SYNPO: variants seen among roughly 807,000 people sequenced by gnomAD.
SYNPO encodes synaptopodin.
A neutral mutation model predicts 49.5 loss-of-function variants in SYNPO; 19 were observed. The observed-to-expected ratio is 0.38, with a 90% CI of 0.27 to 0.56. The LOEUF is 0.56. Ranked by LOEUF, SYNPO falls within the 20% of genes least tolerant of loss-of-function variation. The probability of loss-of-function intolerance (pLI) is 0.68; values close to 1 mark genes in which losing one functional copy is unlikely to be tolerated. For synonymous variants in SYNPO, 536 were observed against 548.0 expected (o/e 0.98, Z 0.31); for missense variants, 1,131 against 1,248.3 (o/e 0.91, Z 1.42).
At chr5:150,641,416 C>T (rs1757901710) in intron 1 of SYNPO, among the ~76,000 whole-genome samples, 1 of 152,234 alleles carries the variant, frequency 6.6e-6, no homozygotes. Flanking sequence ...TCTATTCCTA[C>T]CCCTGGCTCT....
chr5:150,651,174 G>C, intron 2 of SYNPO: 1 of 1,025,254 alleles, frequency 9.8e-7, no homozygotes, highest in Non-Finnish European at 1.2e-6. Flanking sequence ...AGGGAGGGTG[G>C]CCCCTAGCCA....
rs376731190 is a variant in SYNPO, at chr5:150,657,415, T to TTCTC, written c.*343_*346dup. On this transcript the variant is annotated 3_prime_UTR_variant, in exon 3 of 3. Transcript: ENST00000307662. Reference sequence around the variant, plus strand: ...ACACCGATGCACACACACTCTCTCTTTCTCTCTCTCTCTCTCTCACACACA... The same window carrying TTCTC: ...ACACCGATGCACACACACTCTCTCTTTCTCTCTCTCTCTCTCTCTCTCACACACA... 8.2e-3 allele frequency: 1,569 copies of TTCTC among 192,074 alleles called. 14 individuals carry two copies. Among genetic ancestry groups the TTCTC allele is most frequent in the African/African-American group, 0.026 (946 of 35,896 alleles). The allele number at this position is 192,074 out of a possible 1,614,324, so 11.9% of individuals were successfully genotyped here. A position where few individuals can be genotyped will look rare whatever the true frequency, so the allele number is the denominator to read the frequency against.
In SYNPO at chr5:150,607,455, T is replaced by G. The variant is rs966069749; in HGVS notation, c.-266+6267T>G. ...AAGTGACACGGAGCTCAGTACCTATTGAGGCACGTAATAACCCAAGGAATC... is the reference window on the plus strand; with the variant it reads ...AAGTGACACGGAGCTCAGTACCTATGGAGGCACGTAATAACCCAAGGAATC... On this transcript the variant is annotated intron_variant, in intron 1 of 2. Transcript: ENST00000394243. Among the ~76,000 whole-genome samples, 52 of 152,238 alleles carry G rather than the reference T, an allele frequency of 3.4e-4. 1 individual carries two copies. Among genetic ancestry groups the G allele is most frequent in the Non-Finnish European group, 1.3e-4 (9 of 68,038 alleles).
At chr5:150,597,956 A>C (rs765578826), upstream of SYNPO, among the ~76,000 whole-genome samples, 3 of 152,154 alleles carry the variant, frequency 2.0e-5, no homozygotes, top group Non-Finnish European at 4.4e-5. Context: ...ATTTGGCATG[A>C]ATATAATGAC....
chr5:150,607,920 T>A (rs1253916610), intron 1 of SYNPO, among the ~76,000 whole-genome samples: 1 of 152,258 alleles, frequency 6.6e-6, no homozygotes, highest in Non-Finnish European at 1.5e-5. Context: ...CTTTTTTTGG[T>A]ACTAAGTCTT....
At chr5:150,626,233 T>A (rs1757352752) in intron 2 of SYNPO, among the ~76,000 whole-genome samples, 1 of 152,154 alleles carries the variant, frequency 6.6e-6, no homozygotes, top group Non-Finnish European at 1.5e-5. Flanking sequence ...CTTGCCATAT[T>A]GTCTCAGGCA....
chr5:150,647,123 GTCCCAGCTAC>G (rs2151419763), intron 1 of SYNPO, among the ~76,000 whole-genome samples: 1 of 152,148 alleles, frequency 6.6e-6, no homozygotes, highest in East Asian at 1.9e-4. Flanking sequence ...CATGCCTGTA[GTCCCAGCTAC>G]TCGGGAGGCT....
chr5:150,653,306 T>G (rs1248906583), intron 2 of SYNPO: 3 of 152,250 alleles, frequency 2.0e-5, no homozygotes, highest in Non-Finnish European at 2.9e-5. Flanking sequence ...GGGATCTGCT[T>G]ACCACTGCCC....
At chr5:150,608,033 G>T (rs557459311) in intron 1 of SYNPO, among the ~76,000 whole-genome samples, 21 of 152,340 alleles carry the variant, frequency 1.4e-4, no homozygotes, top group Non-Finnish European at 2.8e-4. Context: ...CATGTTGGAC[G>T]GCACAGTGCT....
chr5:150,595,865 G>A, the SYNPO span, among the ~76,000 whole-genome samples: 1 of 146,014 alleles, frequency 6.8e-6, no homozygotes, highest in Non-Finnish European at 1.5e-5. Context: ...CCCCCAGCTG[G>A]CTGGCCCCTT....
At chr5:150,627,683 C>T (rs1268827111) in intron 2 of SYNPO, among the ~76,000 whole-genome samples, 3 of 152,202 alleles carry the variant, frequency 2.0e-5, no homozygotes, top group Non-Finnish European at 4.4e-5. Context: ...AAAGTCCTCT[C>T]TCAGAGGTGA....
At chr5:150,653,212 C>G (rs138497396) in intron 2 of SYNPO, 2 of 152,322 alleles carry the variant, frequency 1.3e-5, no homozygotes, top group African/African-American at 4.8e-5. Flanking sequence ...GTGCACACCC[C>G]CGACTCAAAA....
chr5:150,638,516 C>T (rs1033473716), upstream of SYNPO, among the ~76,000 whole-genome samples: 1 of 152,214 alleles, frequency 6.6e-6, no homozygotes, highest in Non-Finnish European at 1.5e-5. Context: ...AGTGCTTGTC[C>T]TTTAGTAGTT....
chr5:150,596,649 G>C (rs575122369), upstream of SYNPO, among the ~76,000 whole-genome samples: 1 of 152,162 alleles, frequency 6.6e-6, no homozygotes, highest in East Asian at 1.9e-4. Context: ...CTCTGCCAGA[G>C]ATGAAGGTTC....
chr5:150,623,735 G>A (rs560722214), intron 2 of SYNPO, among the ~76,000 whole-genome samples: 9 of 152,174 alleles, frequency 5.9e-5, no homozygotes, highest in Non-Finnish European at 8.8e-5. Flanking sequence ...GTGTGGGGTG[G>A]GCTTACGCTA....
Position 150,657,008 on chromosome 5 carries a change from A to G in SYNPO, c.2633A>G (p.Asn878Ser), listed in dbSNP as rs758913580. ...AAGTCTCCAGGCATCCTGGGCTACA[A>G]TATCTGTCCCCGCGGGTGGAATGGC... ...GAKSPGILGY[N>S]ICPRGWNGSL... The change falls in exon 3 of 3, where the codon AAT (asparagine) becomes AGT (serine). Residue 878 changes from asparagine to serine, a missense_variant. Asn to Ser is a conservative substitution (Grantham distance 46). Around this residue, in one of 4 missense-constraint regions of SYNPO, gnomAD observed 509 missense variants for 484.5 expected, o/e 1.05. Transcript: ENST00000307662. The G allele has an allele frequency of 3.8e-5, 61 of 1,602,748 alleles. No homozygotes were observed. The highest frequency in any genetic ancestry group is 4.5e-5 in the East Asian group (2 of 44,394).
chr5:150,629,103 C>G (rs925621650), intron 2 of SYNPO, among the ~76,000 whole-genome samples: 1 of 152,120 alleles, frequency 6.6e-6, no homozygotes, highest in Non-Finnish European at 1.5e-5. Context: ...ACTGCCGCCT[C>G]GACCTCCTGG....
At chr5:150,617,030 G>C (rs1445885780) in intron 1 of SYNPO, among the ~76,000 whole-genome samples, 1 of 152,072 alleles carries the variant, frequency 6.6e-6, no homozygotes, top group East Asian at 1.9e-4. Flanking sequence ...AAAATAATAG[G>C]ATCCTAAGAA....
chr5:150,616,631 G>C (rs1756990554), intron 1 of SYNPO, among the ~76,000 whole-genome samples: 1 of 152,056 alleles, frequency 6.6e-6, no homozygotes, highest in Non-Finnish European at 1.5e-5. Context: ...ATCTCCCCTG[G>C]AAATCCAAAA....
Sources: allele counts gnomAD v4.1 joint callset (sites outside exome capture counted in the v4.1 genomes callset), GRCh38; gene constraint gnomAD v4.1.1; regional missense constraint gnomAD v4.1.1; transcripts MANE v1.5; gene names NCBI Gene and HGNC (gene_info 2026-07-23, HGNC 2026-07-21).